The following CNTN4 variants were observed in gnomAD, a reference collection of about 807,000 sequenced individuals.
CNTN4 encodes the protein contactin-4.
Under a neutral mutation model 122.5 loss-of-function variants are expected in CNTN4, and 77 were observed. The ratio of observed to expected loss-of-function variants is 0.63; its 90% CI spans 0.52 to 0.76. The LOEUF (loss-of-function observed/expected upper bound fraction) is 0.76, where lower values mean the gene tolerates loss of function less well. Ranked by LOEUF, CNTN4 falls within the 30% of genes least tolerant of loss-of-function variation. The probability of loss-of-function intolerance (pLI) is 0.00; values close to 1 mark genes in which losing one functional copy is unlikely to be tolerated. For synonymous variants in CNTN4, 512 were observed against 447.0 expected (o/e 1.15, Z -1.83); for missense variants, 1,256 against 1,259.1 (o/e 1.00, Z 0.04).
At chr3:2,307,174 G>A (rs1278000191) in intron 2 of CNTN4, among the ~76,000 whole-genome samples, 2 of 152,206 alleles carry the variant, frequency 1.3e-5, no homozygotes, top group African/African-American at 2.4e-5. Flanking sequence ...AGTGGCTCAC[G>A]CCTGTAATCC....
At chr3:2,510,440 C>G (rs1288603187) in intron 3 of CNTN4, among the ~76,000 whole-genome samples, 10 of 149,854 alleles carry the variant, frequency 6.7e-5, no homozygotes, top group Non-Finnish European at 1.3e-4. Context: ...AGATTTCTGA[C>G]TCCCTCAATG....
chr3:3,017,964 A>G (rs1009494330), intron 14 of CNTN4, among the ~76,000 whole-genome samples: 2 of 152,136 alleles, frequency 1.3e-5, no homozygotes, highest in East Asian at 1.9e-4. Context: ...ATCATTTCCT[A>G]CTTCCCTCCT....
intron 2 of CNTN4, among the ~76,000 whole-genome samples, chr3:2,174,597 G>A (rs2036668525): frequency 1.3e-5 from 2 of 152,172 alleles, no homozygotes; most frequent in South Asian, 4.2e-4. Flanking sequence ...TCTACCAAAG[G>A]CCTTACCTCC....
chr3:2,694,086 GC>G (rs2085888310), intron 4 of CNTN4, among the ~76,000 whole-genome samples: 2 of 152,066 alleles, frequency 1.3e-5, no homozygotes, highest in African/African-American at 2.4e-5. Flanking sequence ...CTGCTAGGAT[GC>G]CTTTGCCCAA....
At chr3:2,197,291 C>T (rs1575061435) in intron 2 of CNTN4, among the ~76,000 whole-genome samples, 1 of 152,248 alleles carries the variant, frequency 6.6e-6, no homozygotes, top group East Asian at 1.9e-4. Flanking sequence ...AGGGTGATGG[C>T]ACACTTTTAA....
chr3:3,018,467 C>G (rs931493085), intron 14 of CNTN4, among the ~76,000 whole-genome samples: 1 of 152,034 alleles, frequency 6.6e-6, no homozygotes, highest in African/African-American at 2.4e-5. Context: ...CTGTCTGGCA[C>G]AGAAGAGTAA....
intron 10 of CNTN4, among the ~76,000 whole-genome samples, chr3:2,893,861 C>A (rs1028734313): frequency 6.6e-6 from 1 of 152,056 alleles, no homozygotes; most frequent in African/African-American, 2.4e-5. Context: ...AGCAGGAGGG[C>A]TCAAACTGTT....
chr3:2,491,070 T>C lies in CNTN4; in HGVS notation c.-88-80346T>C, dbSNP rs1242427149. Among the ~76,000 whole-genome samples the C allele has an allele frequency of 6.8e-4, 104 of 152,198 alleles. 2 individuals are homozygous for C. Among genetic ancestry groups the C allele is most frequent in the Non-Finnish European group, 7.4e-5 (5 of 67,990 alleles). ...GAATCTTCTACATGAAAGCAACAAA[T>C]ATACTTCTTCAGAGCCTAAATCAAT... On this transcript the variant is annotated intron_variant, in intron 3 of 24. Coordinates refer to ENST00000418658, the MANE Select transcript of CNTN4 (RefSeq NM_175607.3).
chr3:2,509,724 C>T (rs2076830494), intron 3 of CNTN4, among the ~76,000 whole-genome samples: 1 of 152,136 alleles, frequency 6.6e-6, no homozygotes, highest in South Asian at 2.1e-4. Context: ...AAAACGCTAA[C>T]ACAGTTTGGG....
intron 3 of CNTN4, among the ~76,000 whole-genome samples, chr3:2,526,731 C>T (rs964753229): frequency 2.6e-5 from 4 of 151,746 alleles, no homozygotes; most frequent in African/African-American, 9.7e-5. Context: ...AAATATCTTC[C>T]CTGAGGTTTT....
chr3:3,017,644 A>G (rs996933143), intron 14 of CNTN4, among the ~76,000 whole-genome samples: 32 of 152,314 alleles, frequency 2.1e-4, no homozygotes, highest in African/African-American at 7.2e-4. Flanking sequence ...CCTGTACAGT[A>G]TTGGGTGCAA....
intron 7 of CNTN4, among the ~76,000 whole-genome samples, chr3:2,822,931 G>A (rs919795216): frequency 1.3e-5 from 2 of 151,984 alleles, no homozygotes; most frequent in African/African-American, 2.4e-5. Flanking sequence ...ATTAGAAATG[G>A]CGTGCACATT....
intron 2 of CNTN4, among the ~76,000 whole-genome samples, chr3:2,270,324 G>A (rs145290867): frequency 3.3e-5 from 5 of 152,172 alleles, no homozygotes; most frequent in African/African-American, 1.2e-4. Flanking sequence ...GTAAATTAGT[G>A]TCATGGGGGT....
chr3:2,375,566 G>A (rs150939322), intron 3 of CNTN4, among the ~76,000 whole-genome samples: 8 of 152,284 alleles, frequency 5.3e-5, no homozygotes, highest in African/African-American at 1.9e-4. Flanking sequence ...GGAGGAGGCA[G>A]GTGATTGCCT....
At chr3:2,693,047 G>C (rs1392664887) in intron 4 of CNTN4, among the ~76,000 whole-genome samples, 1 of 152,028 alleles carries the variant, frequency 6.6e-6, no homozygotes, top group Non-Finnish European at 1.5e-5. Flanking sequence ...ATTATAACCA[G>C]CTATCCATTC....
intron 4 of CNTN4, among the ~76,000 whole-genome samples, chr3:2,657,884 A>G (rs1033893098): frequency 2.6e-5 from 4 of 151,490 alleles, no homozygotes; most frequent in Admixed American, 6.6e-5. Flanking sequence ...GCCACACTGT[A>G]CCTTCCATAT....
chr3:2,895,451 A>G (rs2094097225), intron 10 of CNTN4, among the ~76,000 whole-genome samples: 2 of 152,244 alleles, frequency 1.3e-5, no homozygotes, highest in African/African-American at 2.4e-5. Flanking sequence ...ACCTATTAAT[A>G]GAAATATGCC....
chr3:2,645,100 A>C (rs1296115943), intron 4 of CNTN4, among the ~76,000 whole-genome samples: 1 of 151,920 alleles, frequency 6.6e-6, no homozygotes, highest in East Asian at 1.9e-4. Flanking sequence ...CACCTTACCT[A>C]TCTCTTTCTC....
chr3:2,627,179 C>T (rs1325999443), intron 4 of CNTN4, among the ~76,000 whole-genome samples: 1 of 152,048 alleles, frequency 6.6e-6, no homozygotes, highest in African/African-American at 2.4e-5. Context: ...AATTGGTCAC[C>T]CTACTTTGAG....
Sources: allele counts gnomAD v4.1 joint callset (sites outside exome capture counted in the v4.1 genomes callset), GRCh38; gene constraint gnomAD v4.1.1; transcripts MANE v1.5; gene names NCBI Gene and HGNC (gene_info 2026-07-23, HGNC 2026-07-21).